BAIAP2: variants seen among roughly 807,000 people sequenced by gnomAD.
BAIAP2 encodes the protein BAR/IMD domain containing adaptor protein 2.
In BAIAP2, 18 loss-of-function variants were observed where a neutral mutation model predicts 63.0. The observed-to-expected ratio is 0.29, with a 90% CI of 0.20 to 0.42. BAIAP2 has a LOEUF of 0.42. Among genes scored for constraint, BAIAP2 ranks in the 10% least tolerant of loss-of-function variants. BAIAP2 has a pLI of 1.00. For synonymous variants in BAIAP2, 386 were observed against 307.6 expected, an observed-to-expected ratio of 1.25 and a Z score of -2.67; for missense variants, 610 against 734.3, an observed-to-expected ratio of 0.83 and a Z score of 1.96.
At chr17:81,100,176 G>T in intron 7 of BAIAP2, 96 bp downstream of exon 7, 1 of 1,435,088 alleles carries the variant, frequency 7.0e-7, no homozygotes. Context: ...GAACACACCG[G>T]GGCAGTGTCC....
rs761214201 is a variant in BAIAP2 at position 81,104,011 on chromosome 17, C to T, written c.969C>T (p.Ser323=). The T allele has an allele frequency of 3.7e-6, 6 of 1,613,120 alleles. No individual in the cohort carries two copies. Among genetic ancestry groups the T allele is most frequent in the Non-Finnish European group, 5.1e-6 (6 of 1,180,036 alleles). ...ACCGCAAGGCTGCCCAGCCCAAATC[C>T]CTGTCTCCTCCGCAGTCTCAGAGCA... ...WADRKAAQPK[S]LSPPQSQSKL... is the part of the protein sequence containing the mutation. The change falls in exon 9 of 14, where the codon TCC becomes TCT. Residue 323 remains serine, a synonymous_variant. Transcript: ENST00000428708.
intron 11 of BAIAP2, among the ~76,000 whole-genome samples, chr17:81,106,526 C>A (rs967558582): frequency 6.6e-6 from 1 of 152,328 alleles, no homozygotes; most frequent in South Asian, 2.1e-4. Context: ...GCAGCCCAGC[C>A]CCTCTGGAGT....
chr17:81,055,247 G>A (rs1376447854), intron 2 of BAIAP2, among the ~76,000 whole-genome samples: 4 of 152,098 alleles, frequency 2.6e-5, no homozygotes, highest in South Asian at 2.1e-4. Flanking sequence ...CACTCCAACC[G>A]AGCACCTGGC....
chr17:81,090,603 A>C (rs2056553758), intron 6 of BAIAP2, among the ~76,000 whole-genome samples: 1 of 152,242 alleles, frequency 6.6e-6, no homozygotes, highest in Non-Finnish European at 1.5e-5. Flanking sequence ...AGAGGGAGCC[A>C]CACCCCGGTG....
At chr17:81,064,203 C>T (rs528555334) in intron 3 of BAIAP2, among the ~76,000 whole-genome samples, 151 of 152,372 alleles carry the variant, frequency 9.9e-4, no homozygotes, top group African/African-American at 3.5e-3. Flanking sequence ...TCCCATGTGG[C>T]ACCTGCTCTA....
intron 1 of BAIAP2, among the ~76,000 whole-genome samples, chr17:81,051,329 GGGCCCTT>G (rs763802363): frequency 2.0e-5 from 3 of 152,218 alleles, no homozygotes; most frequent in Admixed American, 6.5e-5. Flanking sequence ...GCATACGCCA[GGGCCCTT>G]GGCTAAAATC....
At chr17:81,098,987 TCCCCCCATCCCCCCATCCCAC>T (rs2058102363) in intron 6 of BAIAP2, among the ~76,000 whole-genome samples, 1 of 47,940 alleles carries the variant, frequency 2.1e-5, no homozygotes, top group Non-Finnish European at 4.6e-5. Context: ...CATCCCCCCA[TCCCCCCATCCCCCCATCCCAC>T]GGGGACACCC....
In BAIAP2 at chr17:81,113,270, G is replaced by A. The variant is rs116948321; in HGVS notation, c.1536-2500G>A. Reference sequence around the variant, plus strand: ...ACACGTCTGGTGACTTTCCTTTGCTGGCTGGAGAGGTGCTGGTGGTGTCAT... The same window carrying A: ...ACACGTCTGGTGACTTTCCTTTGCTAGCTGGAGAGGTGCTGGTGGTGTCAT... On this transcript the variant is annotated intron_variant, in intron 13 of 13. Transcript: ENST00000428708. Among the ~76,000 whole-genome samples the A allele has an allele frequency of 8.2e-4, 125 of 152,288 alleles. 2 individuals carry two copies. The East Asian group carries it at 0.021, about 26-fold the overall frequency.
chr17:81,045,919 C>G (rs1178321066), intron 1 of BAIAP2, among the ~76,000 whole-genome samples: 1 of 152,172 alleles, frequency 6.6e-6, no homozygotes, highest in East Asian at 1.9e-4. Context: ...GTGGAACAGG[C>G]TGGCCTCTTC....
chr17:81,092,230 C>G (rs112496824), intron 6 of BAIAP2, among the ~76,000 whole-genome samples: 16 of 152,380 alleles, frequency 1.1e-4, no homozygotes, highest in African/African-American at 3.4e-4. Context: ...TGTGAGGCTG[C>G]TGGGCAGCGA....
chr17:81,109,527 G>A, intron 13 of BAIAP2: 1 of 985,580 alleles, frequency 1.0e-6, no homozygotes, highest in South Asian at 4.7e-5. Flanking sequence ...GGACAGGGAA[G>A]GTGCTGGGGT....
chr17:81,114,474 C>G (rs550372023), intron 13 of BAIAP2, among the ~76,000 whole-genome samples: 1 of 152,100 alleles, frequency 6.6e-6, no homozygotes, highest in Non-Finnish European at 1.5e-5. Flanking sequence ...AAAGCTGCAC[C>G]GATCAAAGCT....
rs762234702 is a variant in BAIAP2, at chr17:81,115,799, C to T, written c.1565C>T (p.Pro522Leu). The T allele has an allele frequency of 6.8e-6, 11 of 1,613,438 alleles. No homozygotes were observed. Among genetic ancestry groups the T allele is most frequent in the East Asian group, 2.2e-5 (1 of 44,900 alleles). The change falls in exon 14 of 14, where the codon CCG (proline) becomes CTG (leucine). Residue 522 changes from proline (P) to leucine (L), a missense_variant. Around this residue, in one of 5 missense-constraint regions of BAIAP2, gnomAD observed 114 missense variants for 98.2 expected, o/e 1.16. Transcript: ENST00000428708. ...RNPFAHVQLK[P>L]TVTNDRSAPL... ...CCCTTTGCCCACGTCCAGCTGAAGC[C>T]GACAGTGACCAACGACAGGTCTGCC...
intron 3 of BAIAP2, among the ~76,000 whole-genome samples, chr17:81,074,649 CCT>C (rs1235673032): frequency 2.2e-5 from 3 of 138,124 alleles, no homozygotes; most frequent in Admixed American, 7.2e-5. Flanking sequence ...GCGTTGAGTG[CCT>C]CTGTGTCTGC....
At chr17:81,055,816 C>T (rs1285644220) in intron 2 of BAIAP2, among the ~76,000 whole-genome samples, 4 of 152,010 alleles carry the variant, frequency 2.6e-5, no homozygotes, top group African/African-American at 2.4e-5. Context: ...CCGCCCGCCT[C>T]AGCCTCCCAA....
At chr17:81,044,788 G>A (rs1356980665) in intron 1 of BAIAP2, among the ~76,000 whole-genome samples, 1 of 152,262 alleles carries the variant, frequency 6.6e-6, no homozygotes. Context: ...ACAACAGGAA[G>A]GTTTCCACGG....
chr17:81,077,490 C>G (rs2053846840), intron 3 of BAIAP2, among the ~76,000 whole-genome samples: 1 of 151,800 alleles, frequency 6.6e-6, no homozygotes, highest in Admixed American at 6.6e-5. Context: ...ATCACTTGAA[C>G]CCGGGAGGCG....
At chr17:81,094,938 C>A (rs913961132) in intron 6 of BAIAP2, among the ~76,000 whole-genome samples, 2 of 152,224 alleles carry the variant, frequency 1.3e-5, no homozygotes, top group African/African-American at 4.8e-5. Flanking sequence ...GCAGCCGTGG[C>A]GGATGAGGTA....
intron 3 of BAIAP2, among the ~76,000 whole-genome samples, chr17:81,058,602 C>G (rs1029563663): frequency 1.3e-5 from 2 of 152,230 alleles, no homozygotes; most frequent in Admixed American, 1.3e-4. Flanking sequence ...TGGGAGACCC[C>G]GGGCCGGCTG....
Sources: allele counts gnomAD v4.1 joint callset (sites outside exome capture counted in the v4.1 genomes callset), GRCh38; gene constraint gnomAD v4.1.1; regional missense constraint gnomAD v4.1.1; transcripts MANE v1.5; gene names NCBI Gene and HGNC (gene_info 2026-07-23, HGNC 2026-07-21).